Variants in PCDHA3 observed in about 807,000 individuals in gnomAD.
PCDHA3 encodes the protein protocadherin alpha 3.
Under a neutral mutation model 62.2 loss-of-function variants are expected in PCDHA3, and 41 were observed. The observed-to-expected ratio is 0.66, with a 90% confidence interval of 0.51 to 0.86. The LOEUF is 0.86. Among genes scored for constraint, PCDHA3 ranks in the 40% least tolerant of loss-of-function variants. PCDHA3 has a pLI of 0.00. For synonymous variants in PCDHA3, 640 were observed against 555.4 expected (o/e 1.15, Z -2.14); for missense variants, 1,304 against 1,241.2 (o/e 1.05, Z -0.76).
intron 1 of PCDHA3, chr5:140,867,796 C>A (rs1477266622): frequency 4.6e-5 from 7 of 152,060 alleles, no homozygotes; most frequent in African/African-American, 1.7e-4. Context: ...TTTTACTTAG[C>A]ATTTTCTATG....
chr5:140,895,515 G>A (rs2065042106), intron 1 of PCDHA3, among the ~76,000 whole-genome samples: 1 of 151,948 alleles, frequency 6.6e-6, no homozygotes, highest in Non-Finnish European at 1.5e-5. Flanking sequence ...ATTTTTAATT[G>A]GTTTATTCGT....
chr5:140,854,230 A>G (rs2043046050), intron 1 of PCDHA3: 3 of 629,370 alleles, frequency 4.8e-6, no homozygotes, highest in Admixed American at 1.3e-4. Flanking sequence ...CTACATTGGG[A>G]TATTTATGTT....
chr5:140,907,864 G>T (rs1033952784), intron 1 of PCDHA3, among the ~76,000 whole-genome samples: 1 of 152,202 alleles, frequency 6.6e-6, no homozygotes, highest in Non-Finnish European at 1.5e-5. Context: ...GAGGCCAGCC[G>T]TTGGTGAGCA....
At chr5:140,965,496 A>AT (rs71766133) in intron 1 of PCDHA3, among the ~76,000 whole-genome samples, 6,292 of 146,438 alleles carry the variant, frequency 0.043, 368 homozygotes, top group African/African-American at 0.14. Flanking sequence ...ATGACAGCAG[A>AT]TTTTTTTTTT....
At chr5:140,935,073 A>G (rs77827614) in intron 1 of PCDHA3, among the ~76,000 whole-genome samples, 63 of 152,260 alleles carry the variant, frequency 4.1e-4, no homozygotes, top group African/African-American at 1.3e-3. Context: ...ATTATCTTGT[A>G]CATTTCCTTT....
chr5:140,879,879 G>A lies in PCDHA3; in HGVS notation c.2394+76288G>A, dbSNP rs564256513. Among the ~76,000 whole-genome samples the A allele has an allele frequency of 4.6e-5, 7 of 152,240 alleles. No individual in the cohort carries two copies. In the South Asian group the frequency reaches 1.5e-3, roughly 32 times the overall value. On this transcript the variant is annotated intron_variant, in intron 1 of 3. Coordinates refer to ENST00000522353, the MANE Select transcript of PCDHA3 (RefSeq NM_018906.3). ...CCTTCTCAGCTTTCATGGTCACATT[G>A]CCTCCTCCTCTCCATGTCTCTCTCT... is the stretch of plus-strand genomic sequence containing the variant.
intron 3 of PCDHA3, among the ~76,000 whole-genome samples, chr5:141,005,531 G>A (rs1441846175): frequency 1.3e-5 from 2 of 151,072 alleles, no homozygotes; most frequent in African/African-American, 4.9e-5. Context: ...GTGAAACCCC[G>A]TCTCTACTAA....
chr5:141,004,632 GA>G (rs1401867459), intron 3 of PCDHA3, among the ~76,000 whole-genome samples: 19 of 152,200 alleles, frequency 1.2e-4, no homozygotes, highest in African/African-American at 3.4e-4. Context: ...TATGGTTGAA[GA>G]AAAATTTCCA....
At chr5:140,998,247 T>C (rs2097802911) in intron 3 of PCDHA3, among the ~76,000 whole-genome samples, 1 of 152,216 alleles carries the variant, frequency 6.6e-6, no homozygotes, top group Non-Finnish European at 1.5e-5. Flanking sequence ...ATTATACTCA[T>C]TTTACTGCTA....
intron 1 of PCDHA3, among the ~76,000 whole-genome samples, chr5:140,893,346 C>A (rs1368723678): frequency 6.6e-6 from 1 of 152,104 alleles, no homozygotes; most frequent in Non-Finnish European, 1.5e-5. Context: ...AGTGGCAGTG[C>A]TAATTTACAT....
chr5:140,981,940 T>A (rs2096958372), intron 2 of PCDHA3, among the ~76,000 whole-genome samples: 1 of 152,160 alleles, frequency 6.6e-6, no homozygotes, highest in Non-Finnish European at 1.5e-5. Flanking sequence ...TCAGGAAATA[T>A]AGGGTGGGTC....
intron 1 of PCDHA3, chr5:140,868,741 A>G: frequency 4.8e-6 from 1 of 208,168 alleles, no homozygotes; most frequent in South Asian, 1.1e-4. Flanking sequence ...GAGAAATACA[A>G]TGCCATTTCC....
At chr5:140,922,016 AT>A (rs1213488839) in intron 1 of PCDHA3, among the ~76,000 whole-genome samples, 20 of 152,076 alleles carry the variant, frequency 1.3e-4, no homozygotes, top group Admixed American at 1.2e-3. Flanking sequence ...GTTTAAAAAA[AT>A]AAATATAAAA....
chr5:140,835,419 A>T, intron 1 of PCDHA3: 1 of 1,613,974 alleles, frequency 6.2e-7, no homozygotes, highest in Non-Finnish European at 8.5e-7. Context: ...TGTAAATGAC[A>T]ATGCTCCACA....
At chr5:140,992,430 C>T (rs1356224402) in intron 3 of PCDHA3, among the ~76,000 whole-genome samples, 1 of 152,042 alleles carries the variant, frequency 6.6e-6, no homozygotes, top group Non-Finnish European at 1.5e-5. Flanking sequence ...GAATATTGTT[C>T]CAAGAGTTGG....
intron 1 of PCDHA3, chr5:140,856,495 T>C: frequency 6.3e-7 from 1 of 1,598,444 alleles, no homozygotes; most frequent in South Asian, 1.1e-5. Context: ...TGCTTGACTC[T>C]CGATTTCCAC....
intron 1 of PCDHA3, among the ~76,000 whole-genome samples, chr5:140,909,670 G>C (rs940080549): frequency 6.6e-6 from 1 of 152,142 alleles, no homozygotes; most frequent in African/African-American, 2.4e-5. Flanking sequence ...CACTCTACCA[G>C]TCAGGGAGCC....
chr5:140,875,179 A>G, intron 1 of PCDHA3: 1 of 444,474 alleles, frequency 2.2e-6, no homozygotes, highest in East Asian at 4.2e-5. Context: ...AAACATTAGA[A>G]TTAAGAGTGA....
chr5:140,810,450 T>C (rs924328427), intron 1 of PCDHA3: 1 of 152,254 alleles, frequency 6.6e-6, no homozygotes, highest in African/African-American at 2.4e-5. Context: ...ACATTCCTAG[T>C]AGTGCATAAG....
Sources: gnomAD v4.1 joint callset for allele counts (sites outside exome capture counted in the v4.1 genomes callset) on GRCh38, gnomAD v4.1.1 for gene constraint, MANE v1.5 for transcripts, NCBI Gene and HGNC (gene_info 2026-07-23, HGNC 2026-07-21) for gene names.